Variants in DMBT1 observed in about 807,000 individuals in gnomAD.
DMBT1 encodes scavenger receptor cysteine-rich domain-containing protein DMBT1.
In DMBT1, 198 loss-of-function variants were observed where a neutral mutation model predicts 252.9. That is an observed-to-expected ratio of 0.78 (90% CI 0.70 to 0.88). DMBT1 has a LOEUF of 0.88. Among genes scored for constraint, DMBT1 ranks in the 40% least tolerant of loss-of-function variants. The pLI, the probability that DMBT1 is intolerant of heterozygous loss-of-function variation, is 0.00. For synonymous variants in DMBT1, 990 were observed against 942.7 expected, an observed-to-expected ratio of 1.05 and a Z score of -0.92; for missense variants, 2,432 against 2,404.7, an observed-to-expected ratio of 1.01 and a Z score of -0.24.
chr10:122,579,929 C>T (rs1243843641), intron 10 of DMBT1, 28 bp downstream of exon 10: 2 of 1,613,728 alleles, frequency 1.2e-6, no homozygotes, highest in Non-Finnish European at 1.7e-6. Flanking sequence ...TGGGCTCACT[C>T]TCTTGGGGTG....
chr10:122,624,720 G>C (rs1482839913), intron 44 of DMBT1, among the ~76,000 whole-genome samples: 1 of 152,180 alleles, frequency 6.6e-6, no homozygotes, highest in Non-Finnish European at 1.5e-5. Context: ...TTTGATCAGG[G>C]CTCAGGACCC....
chr10:122,592,160 G>A (rs2097854406), intron 19 of DMBT1, 112 bp from the exon 20 acceptor site: 1 of 1,479,126 alleles, frequency 6.8e-7, no homozygotes. Flanking sequence ...ATTCAATCGT[G>A]ACTGCTTGTC....
At chr10:122,623,569 A>G (rs879816056) in intron 44 of DMBT1, among the ~76,000 whole-genome samples, 3 of 152,214 alleles carry the variant, frequency 2.0e-5, no homozygotes, top group Admixed American at 6.5e-5. Context: ...AACACTTGTT[A>G]TGATGTCTTT....
At chr10:122,633,379 A>G (rs2098182493) in intron 52 of DMBT1, 38 bp downstream of exon 52, 2 of 1,602,838 alleles carry the variant, frequency 1.2e-6, no homozygotes, top group Admixed American at 1.7e-5. Context: ...GGGGCCCCAC[A>G]GACCTTTCAA....
chr10:122,617,364 T>C lies in DMBT1; in HGVS notation c.4891+104T>C, dbSNP rs559645360. The C allele has an allele frequency of 1.2e-3, 1,608 of 1,383,918 alleles. 126 individuals carry two copies. The East Asian group carries it at 0.037, about 32-fold the overall frequency. 85.7% of individuals were successfully genotyped at this position (1,383,918 alleles called of 1,614,324 possible). On this transcript the variant is annotated intron_variant, in intron 40 of 55. Coordinates refer to ENST00000338354, the MANE Select transcript of DMBT1 (RefSeq NM_001377530.1). ...CAAGGTGGGCCCCTCTCTTTTCATG[T>C]CCCTGTGGGTTGGGTGGGAGGAAGG...
chr10:122,578,634 C>A, intron 8 of DMBT1, 84 bp from the exon 9 acceptor site: 1 of 1,213,300 alleles, frequency 8.2e-7, no homozygotes, highest in Non-Finnish European at 1.2e-6. Flanking sequence ...TTTCACAGTG[C>A]TTGCCTGGTC....
At chr10:122,640,584 T>C in intron 55 of DMBT1, 135 bp downstream of exon 55, 1 of 958,552 alleles carries the variant, frequency 1.0e-6, no homozygotes, top group Non-Finnish European at 1.5e-6. Context: ...GATCCCTTTC[T>C]ACATGTAGTG....
intron 4 of DMBT1, 120 bp from the exon 5 acceptor site, chr10:122,572,194 A>T: frequency 2.2e-6 from 3 of 1,389,192 alleles, no homozygotes; most frequent in Non-Finnish European, 3.1e-6. Flanking sequence ...GCTTTTAGCA[A>T]TGGAGGTTGC....
In DMBT1 at chr10:122,598,888, C is replaced by T. The variant is rs981574037; in HGVS notation, c.3071C>T (p.Thr1024Ile). 1 of 1,613,862 alleles carries T rather than the reference C, an allele frequency of 6.2e-7. No individual in the cohort carries two copies. The highest frequency in any genetic ancestry group is 8.5e-7 in the Non-Finnish European group (1 of 1,179,786). The change falls in exon 26 of 56, where the codon ACC becomes ATC. Residue 1024 changes from threonine to isoleucine, a missense_variant. Physicochemically the swap from Thr to Ile is moderately conservative, Grantham distance 89. Around this residue, in one of 3 missense-constraint regions of DMBT1, gnomAD observed 1,264 missense variants for 1,082.2 expected, o/e 1.17. Transcript: ENST00000338354. ...WGTVCDDSWD[T>I]NDANVVCRQL... ...ACCGTGTGCGATGACAGCTGGGACA[C>T]CAATGATGCCAATGTCGTCTGCAGG...
chr10:122,634,434 C>CT (rs2098203359), intron 52 of DMBT1, among the ~76,000 whole-genome samples: 1 of 35,056 alleles, frequency 2.9e-5, no homozygotes, highest in African/African-American at 8.7e-5. Flanking sequence ...TCTCTCTTCT[C>CT]TCTCTCTCTC....
intron 55 of DMBT1, 113 bp downstream of exon 55, chr10:122,640,562 C>G: frequency 8.6e-7 from 1 of 1,160,728 alleles, no homozygotes; most frequent in Non-Finnish European, 1.2e-6. Context: ...CCCAGTACTT[C>G]CAGCTTAACT....
Position 122,640,065 on chromosome 10 carries a change from C to A in DMBT1, c.6968C>A (p.Ser2323Tyr), listed in dbSNP as rs1243873675. 6.2e-7 allele frequency: 1 copy of A among 1,613,838 alleles called. No homozygotes were observed. The highest frequency in any genetic ancestry group is 8.5e-7 in the Non-Finnish European group (1 of 1,179,872). ...KQADNDTIDY[S>Y]NFLTAAVSGG... ...GCAGACAATGACACCATCGACTATT[C>A]CAACTTCCTCACAGCAGCTGTCTCA... Residue 2323 changes from serine (S) to tyrosine (Y), a missense_variant, in exon 55 of 56, where the codon TCC (serine) becomes TAC (tyrosine). Ser to Tyr is a moderately radical substitution (Grantham distance 144). Around this residue, in one of 3 missense-constraint regions of DMBT1, gnomAD observed 1,162 missense variants for 1,169.0 expected, o/e 0.99. Transcript: ENST00000338354.
At chr10:122,568,729 G>A (rs1486497489) in intron 2 of DMBT1, among the ~76,000 whole-genome samples, 3 of 152,238 alleles carry the variant, frequency 2.0e-5, no homozygotes, top group Admixed American at 6.5e-5. Context: ...CAGGCAGCTC[G>A]GCTGTGGCTA....
intron 40 of DMBT1, 105 bp downstream of exon 40, chr10:122,617,365 C>G: frequency 7.2e-7 from 1 of 1,382,352 alleles, no homozygotes; most frequent in Non-Finnish European, 1.0e-6. Flanking sequence ...CTTTTCATGT[C>G]CCTGTGGGTT....
chr10:122,572,408 A>C, intron 5 of DMBT1, 47 bp downstream of exon 5: 1 of 1,604,208 alleles, frequency 6.2e-7, no homozygotes. Flanking sequence ...ACCCCTCTGT[A>C]CTCCTAGATT....
chr10:122,597,793 C>T (rs1265220733), intron 24 of DMBT1, among the ~76,000 whole-genome samples, 181 bp from the exon 25 acceptor site: 4 of 152,140 alleles, frequency 2.6e-5, no homozygotes, highest in African/African-American at 9.7e-5. Context: ...TGGTCTCCAG[C>T]AAGGCCTATG....
At chr10:122,631,929 C>T in intron 50 of DMBT1, 54 bp downstream of exon 50, 2 of 1,585,686 alleles carry the variant, frequency 1.3e-6, no homozygotes, top group South Asian at 2.2e-5. Flanking sequence ...CTCTCCATTA[C>T]TGCTGCCTAG....
At chr10:122,565,136 T>C (rs2981766) in intron 1 of DMBT1, among the ~76,000 whole-genome samples, 101,966 of 152,078 alleles carry the variant, frequency 0.67, 34,554 homozygotes, top group East Asian at 0.78. Flanking sequence ...CACCATTCTA[T>C]CATTTTCTTA....
chr10:122,634,445 TCTCTCTC>T lies in DMBT1; in HGVS notation c.6548+1105_6548+1111del, dbSNP rs1566008086. Among the ~76,000 whole-genome samples the T allele has an allele frequency of 6.5e-4, 42 of 65,024 alleles. 1 individual carries two copies. Among genetic ancestry groups the T allele is most frequent in the African/African-American group, 3.3e-3 (40 of 12,280 alleles). The allele number at this position is 65,024 out of a possible 152,430, so 42.7% of individuals were successfully genotyped here. On this transcript the variant is annotated intron_variant, in intron 52 of 55. Transcript: ENST00000338354. ...TCTCTCTCTCTTCTCTCTCTCTCTC[TCTCTCTC>T]TCTCTCTCTCTCTCTCTCTCTCTCT...
Sources: allele counts gnomAD v4.1 joint callset (sites outside exome capture counted in the v4.1 genomes callset), GRCh38; gene constraint gnomAD v4.1.1; regional missense constraint gnomAD v4.1.1; transcripts MANE v1.5; gene names NCBI Gene and HGNC (gene_info 2026-07-23, HGNC 2026-07-21).